NDST4: variants seen among roughly 807,000 people sequenced by gnomAD.
NDST4 encodes the protein N-heparan sulfate sulfotransferase 4.
In NDST4, 63 loss-of-function variants were observed where a neutral mutation model predicts 100.8. The ratio of observed to expected loss-of-function variants is 0.62; its 90% CI spans 0.51 to 0.77. The LOEUF is 0.77. Among genes scored for constraint, NDST4 ranks in the 30% least tolerant of loss-of-function variants. The pLI is 0.00. For synonymous variants in NDST4, 377 were observed against 361.8 expected, an observed-to-expected ratio of 1.04 and a Z score of -0.48; for missense variants, 943 against 1,018.4, an observed-to-expected ratio of 0.93 and a Z score of 1.01.
chr4:115,108,826 ACT>A (rs1261230359), intron 1 of NDST4, among the ~76,000 whole-genome samples: 1 of 151,768 alleles, frequency 6.6e-6, no homozygotes, highest in East Asian at 1.9e-4. Context: ...TTCCCCACTT[ACT>A]CTGTGTTCAA....
chr4:115,080,389 G>A (rs565603888), intron 1 of NDST4, among the ~76,000 whole-genome samples: 3 of 152,092 alleles, frequency 2.0e-5, no homozygotes, highest in Non-Finnish European at 2.9e-5. Context: ...CACCCACCTC[G>A]GCCTCCCAAA....
chr4:114,897,014 C>T (rs1221097533), intron 6 of NDST4, among the ~76,000 whole-genome samples: 2 of 152,070 alleles, frequency 1.3e-5, no homozygotes, highest in Non-Finnish European at 2.9e-5. Flanking sequence ...CATAGACTAT[C>T]CCATTATCAA....
At position 114,848,283 on chromosome 4, in the gene NDST4, G is replaced by A. The variant is rs1473061155; in HGVS notation, c.1872C>T (p.Leu624=). ...LLMHPSIISN[L]PSPKTFEEVQ... is the part of the protein sequence containing the mutation. Reference sequence around the variant, plus strand: ...CTTCCTCAAATGTCTTTGGACTAGGGAGATTGCTGATGATTGAAGGATGCA... The same window carrying A: ...CTTCCTCAAATGTCTTTGGACTAGGAAGATTGCTGATGATTGAAGGATGCA... The change falls in exon 9 of 14, where the codon CTC becomes CTT. Residue 624 remains leucine (L), a synonymous_variant. Transcript: ENST00000264363. 2.5e-6 allele frequency: 4 copies of A among 1,609,538 alleles called. No individual in the cohort carries two copies. Among genetic ancestry groups the A allele is most frequent in the East Asian group, 2.2e-5 (1 of 44,736 alleles).
At chr4:115,084,060 G>T (rs1410979768) in intron 1 of NDST4, among the ~76,000 whole-genome samples, 2 of 152,144 alleles carry the variant, frequency 1.3e-5, no homozygotes, top group Non-Finnish European at 1.5e-5. Flanking sequence ...AGGAAAGTAA[G>T]ATAAAGTTTG....
rs140143496 is a variant in NDST4, at chr4:115,021,759, C to T, written c.979-44485G>A. On this transcript the variant is annotated intron_variant, in intron 2 of 13. Transcript: ENST00000264363. Reference sequence around the variant, plus strand: ...CTATACACATTCCATATATATACCTCCCACATCTATACACATTCCATATAT... The same window carrying T: ...CTATACACATTCCATATATATACCTTCCACATCTATACACATTCCATATAT... 7.6e-4 allele frequency among the ~76,000 whole-genome samples: 111 copies of T among 146,756 alleles called. 1 individual carries two copies. Among genetic ancestry groups the T allele is most frequent in the Middle Eastern group, 3.6e-3 (1 of 274 alleles).
rs1489360272 is a variant in NDST4, at chr4:115,022,392, A to G, written c.979-45118T>C. On this transcript the variant is annotated intron_variant, in intron 2 of 13. Coordinates refer to ENST00000264363, the MANE Select transcript of NDST4 (RefSeq NM_022569.3). ...TGTTCCATGTACATATGTGTTCCAT[A>G]TATATGTGTTCCATATATATGTGTT... Among the ~76,000 whole-genome samples, 282 of 123,264 alleles carry G rather than the reference A, an allele frequency of 2.3e-3. 9 individuals carry two copies. Among genetic ancestry groups the G allele is most frequent in the African/African-American group, 9.6e-3 (263 of 27,388 alleles). 80.9% of individuals were successfully genotyped at this position (123,264 alleles called of 152,430 possible).
chr4:115,038,094 A>G (rs1728271421), intron 2 of NDST4, among the ~76,000 whole-genome samples: 1 of 152,278 alleles, frequency 6.6e-6, no homozygotes, highest in African/African-American at 2.4e-5. Flanking sequence ...GCTGACATAT[A>G]ACACCTGTTC....
intron 7 of NDST4, among the ~76,000 whole-genome samples, chr4:114,870,378 T>C (rs1578354874): frequency 6.6e-6 from 1 of 152,136 alleles, no homozygotes; most frequent in African/African-American, 2.4e-5. Flanking sequence ...AAAGTCTAAT[T>C]ATAAATCTTA....
rs1284513490 is a variant in NDST4 at position 115,076,087 on chromosome 4, C to T, written c.950G>A (p.Gly317Glu). ...DIDDIFVGKE[G>E]TRMNVKDVKA... ...CACATCTTTGACATTCATCCTTGTT[C>T]CCTCTTTCCCAACAAATATATCATC... is the stretch of plus-strand genomic sequence containing the variant. The change falls in exon 2 of 14, where the codon GGA becomes GAA. Residue 317 changes from glycine to glutamate, a missense_variant. Coordinates refer to ENST00000264363, the MANE Select transcript of NDST4 (RefSeq NM_022569.3). 1 of 1,611,998 alleles carries T rather than the reference C, an allele frequency of 6.2e-7. No homozygotes were observed. Among genetic ancestry groups the T allele is most frequent in the East Asian group, 2.2e-5 (1 of 44,758 alleles).
At chr4:114,946,528 T>C (rs543479290) in intron 4 of NDST4, among the ~76,000 whole-genome samples, 116 of 152,284 alleles carry the variant, frequency 7.6e-4, no homozygotes, top group African/African-American at 2.7e-3. Flanking sequence ...TTGTGACGGA[T>C]TGAGCTATAC....
At chr4:114,885,917 A>T (rs1346205370) in intron 6 of NDST4, among the ~76,000 whole-genome samples, 1 of 152,068 alleles carries the variant, frequency 6.6e-6, no homozygotes, top group East Asian at 1.9e-4. Flanking sequence ...CATGTAAGGG[A>T]CAAGCAATCA....
chr4:115,007,598 T>C (rs1727448783), intron 2 of NDST4, among the ~76,000 whole-genome samples: 2 of 67,236 alleles, frequency 3.0e-5, no homozygotes, highest in Admixed American at 1.5e-4. Context: ...GCTGGAATGA[T>C]GATACAACCA....
chr4:115,032,851 A>G (rs1394608921), intron 2 of NDST4, among the ~76,000 whole-genome samples: 1 of 151,958 alleles, frequency 6.6e-6, no homozygotes, highest in Non-Finnish European at 1.5e-5. Context: ...TGAGTTTCCC[A>G]AGACATACTG....
At chr4:115,001,884 C>T (rs1221925690) in intron 2 of NDST4, among the ~76,000 whole-genome samples, 1 of 152,148 alleles carries the variant, frequency 6.6e-6, no homozygotes, top group East Asian at 1.9e-4. Context: ...TGCCTAAAGG[C>T]AGCATGGTAA....
chr4:114,875,558 T>C lies in NDST4; in HGVS notation c.1537-4608A>G, dbSNP rs150066565. Among the ~76,000 whole-genome samples the C allele has an allele frequency of 8.8e-4, 134 of 152,318 alleles. 1 individual carries two copies. Among genetic ancestry groups the C allele is most frequent in the African/African-American group, 3.0e-3 (123 of 41,572 alleles). On this transcript the variant is annotated intron_variant, in intron 6 of 13. Transcript: ENST00000264363. ...AGTAAATATAATTGAACTTTATGGA[T>C]AATCCTTAACTGTGGGTAAACACAC...
chr4:114,924,323 A>G (rs1250487110), intron 6 of NDST4, among the ~76,000 whole-genome samples: 1 of 152,008 alleles, frequency 6.6e-6, no homozygotes, highest in Non-Finnish European at 1.5e-5. Flanking sequence ...AAGTCCATGG[A>G]TCTTAGCTGA....
chr4:115,029,048 C>A (rs1728050274), intron 2 of NDST4, among the ~76,000 whole-genome samples: 1 of 151,978 alleles, frequency 6.6e-6, no homozygotes, highest in South Asian at 2.1e-4. Flanking sequence ...GAAAGGGTCA[C>A]TTGAAAAAAG....
chr4:114,853,354 T>C (rs1723720581), intron 7 of NDST4, among the ~76,000 whole-genome samples: 1 of 152,154 alleles, frequency 6.6e-6, no homozygotes, highest in Non-Finnish European at 1.5e-5. Context: ...CCTCCTGAGC[T>C]CTAGACTTAA....
At chr4:114,998,258 C>T (rs955193012) in intron 2 of NDST4, among the ~76,000 whole-genome samples, 4 of 152,054 alleles carry the variant, frequency 2.6e-5, no homozygotes, top group Non-Finnish European at 5.9e-5. Flanking sequence ...TTTGTCTATC[C>T]CCAAAGTGAG....
Sources: allele counts gnomAD v4.1 joint callset (sites outside exome capture counted in the v4.1 genomes callset), GRCh38; gene constraint gnomAD v4.1.1; transcripts MANE v1.5; gene names NCBI Gene and HGNC (gene_info 2026-07-23, HGNC 2026-07-21).